TFEC: variants seen among roughly 807,000 people sequenced by gnomAD.
The protein encoded by TFEC is class E basic helix-loop-helix protein 34.
TFEC carries 31 observed loss-of-function variants against 41.6 expected under a neutral mutation model. The ratio of observed to expected loss-of-function variants is 0.74; its 90% CI spans 0.56 to 1.01. The LOEUF (loss-of-function observed/expected upper bound fraction) is 1.01, where lower values mean the gene tolerates loss of function less well. Among genes scored for constraint, TFEC ranks in the 50% least tolerant of loss-of-function variants. TFEC has a pLI of 0.00. For missense variants in TFEC, 402 were observed against 404.1 expected, an observed-to-expected ratio of 0.99 and a Z score of 0.04; for synonymous variants, 143 against 140.6, an observed-to-expected ratio of 1.02 and a Z score of -0.12.
At chr7:116,154,658 G>A (rs570896734) in intron 1 of TFEC, among the ~76,000 whole-genome samples, 5 of 152,216 alleles carry the variant, frequency 3.3e-5, no homozygotes, top group Non-Finnish European at 5.9e-5. Flanking sequence ...AAGATATTAA[G>A]TATTAATATT....
At chr7:115,996,610 A>G (rs1794379072) in intron 1 of TFEC, among the ~76,000 whole-genome samples, 1 of 152,048 alleles carries the variant, frequency 6.6e-6, no homozygotes, top group African/African-American at 2.4e-5. Context: ...ACACTGGGGT[A>G]GAGCACCCAG....
intron 1 of TFEC, among the ~76,000 whole-genome samples, chr7:115,990,523 T>C (rs929669866): frequency 6.6e-6 from 1 of 152,076 alleles, no homozygotes; most frequent in African/African-American, 2.4e-5. Flanking sequence ...ATGAACAGCA[T>C]AGAGAAGACC....
chr7:116,030,805 A>G, upstream of TFEC: 2 of 985,410 alleles, frequency 2.0e-6, no homozygotes, highest in Middle Eastern at 5.2e-4. Flanking sequence ...GGAAAGAGAA[A>G]AGAGAAGTGG....
chr7:115,982,591 G>A (rs549381983), intron 2 of TFEC, among the ~76,000 whole-genome samples: 105 of 152,216 alleles, frequency 6.9e-4, no homozygotes, highest in Non-Finnish European at 1.3e-3. Context: ...GTGATTAAAT[G>A]GACATTAATG....
chr7:115,990,599 T>C (rs759235003), intron 1 of TFEC, among the ~76,000 whole-genome samples: 8 of 152,222 alleles, frequency 5.3e-5, no homozygotes, highest in South Asian at 4.1e-4. Context: ...CAAGCTTCAG[T>C]AGCTGATTTG....
At chr7:115,954,716 C>A (rs1288921489) in intron 4 of TFEC, 74 bp from the exon 5 acceptor site, 1 of 1,105,364 alleles carries the variant, frequency 9.0e-7, no homozygotes, top group Non-Finnish European at 1.3e-6. Flanking sequence ...TAATTCAGAA[C>A]TCCTAGGTGA....
chr7:115,961,311 T>C (rs1219605533), intron 3 of TFEC, among the ~76,000 whole-genome samples: 2 of 151,536 alleles, frequency 1.3e-5, no homozygotes, highest in African/African-American at 4.8e-5. Context: ...TTTTAGAAAA[T>C]TGTTAAAAAC....
chr7:115,947,886 T>C (rs1791693557), intron 6 of TFEC, among the ~76,000 whole-genome samples: 1 of 151,992 alleles, frequency 6.6e-6, no homozygotes, highest in Non-Finnish European at 1.5e-5. Flanking sequence ...AAAAAACCCT[T>C]CAAAAAATTA....
chr7:115,977,024 T>C (rs1334118305), intron 2 of TFEC, among the ~76,000 whole-genome samples: 1 of 152,180 alleles, frequency 6.6e-6, no homozygotes, highest in East Asian at 1.9e-4. Flanking sequence ...GTCATCTACC[T>C]ACATGACTAC....
chr7:116,020,220 A>G (rs1315016349), intron 1 of TFEC, among the ~76,000 whole-genome samples: 1 of 152,178 alleles, frequency 6.6e-6, no homozygotes, highest in African/African-American at 2.4e-5. Context: ...TCACTTAGTA[A>G]TTATGAAAAC....
upstream of TFEC, among the ~76,000 whole-genome samples, chr7:116,034,927 C>T (rs1379147364): frequency 6.6e-6 from 1 of 151,812 alleles, no homozygotes; most frequent in Non-Finnish European, 1.5e-5. Flanking sequence ...TGAAATTCCA[C>T]CATTCTCTTG....
intron 1 of TFEC, among the ~76,000 whole-genome samples, chr7:116,116,917 G>C (rs895357520): frequency 3.3e-5 from 5 of 151,898 alleles, no homozygotes; most frequent in African/African-American, 1.2e-4. Context: ...TCTGATGAAA[G>C]AGACTTTTCT....
intron 1 of TFEC, among the ~76,000 whole-genome samples, chr7:116,006,163 C>T (rs11773121): frequency 6.6e-5 from 10 of 152,320 alleles, no homozygotes; most frequent in East Asian, 1.9e-4. Flanking sequence ...TCAGAGCCTC[C>T]GCACAGAGTC....
intron 3 of TFEC, among the ~76,000 whole-genome samples, chr7:116,091,589 C>T (rs1297285518): frequency 6.6e-6 from 1 of 152,000 alleles, no homozygotes; most frequent in African/African-American, 2.4e-5. Flanking sequence ...AAACTAGAGA[C>T]TCAAGACCCT....
intron 3 of TFEC, among the ~76,000 whole-genome samples, chr7:116,067,038 G>A (rs959525835): frequency 6.6e-6 from 1 of 151,924 alleles, no homozygotes; most frequent in African/African-American, 2.4e-5. Context: ...TTTATAAAAT[G>A]GAAAAATATA....
Position 116,122,934 on chromosome 7 carries a change from C to G in TFEC, c.-68-10896G>C, listed in dbSNP as rs1003606600. Among the ~76,000 whole-genome samples the G allele has an allele frequency of 2.0e-5, 3 of 151,990 alleles. No homozygotes were observed. In the East Asian group the frequency reaches 5.8e-4, roughly 29 times the overall value. ...CTTCATTCTCCCTTAGAGCAGTGCCCAGGGTTGGGAAATGCCAAGTAGCCA... is the reference window on the plus strand; with the variant it reads ...CTTCATTCTCCCTTAGAGCAGTGCCGAGGGTTGGGAAATGCCAAGTAGCCA... On this transcript the variant is annotated intron_variant, in intron 1 of 8. Coordinates refer to the TFEC transcript ENST00000484212.
chr7:116,053,975 C>A (rs188986990), intron 3 of TFEC, among the ~76,000 whole-genome samples: 51 of 152,286 alleles, frequency 3.3e-4, no homozygotes, highest in Non-Finnish European at 4.6e-4. Context: ...GTATGTCTAA[C>A]TATTATTGTT....
chr7:116,064,466 A>G (rs1174287715), intron 3 of TFEC, among the ~76,000 whole-genome samples: 1 of 151,862 alleles, frequency 6.6e-6, no homozygotes, highest in African/African-American at 2.4e-5. Context: ...AGCTGTGGTA[A>G]AGAAAACAAA....
chr7:115,993,422 T>A (rs1285935937), intron 1 of TFEC, among the ~76,000 whole-genome samples: 1 of 152,228 alleles, frequency 6.6e-6, no homozygotes, highest in Non-Finnish European at 1.5e-5. Flanking sequence ...AAATTGTCCC[T>A]GTTTGCAGAT....
Sources: gnomAD v4.1 joint callset for allele counts (sites outside exome capture counted in the v4.1 genomes callset) on GRCh38, gnomAD v4.1.1 for gene constraint, MANE v1.5 for transcripts, NCBI Gene and HGNC (gene_info 2026-07-23, HGNC 2026-07-21) for gene names.